The following INSYN2B variants were observed in gnomAD, a reference collection of about 807,000 sequenced individuals.
INSYN2B encodes inhibitory synaptic factor family member 2B, also known as protein INSYN2B.
A neutral mutation model predicts 41.2 loss-of-function variants in INSYN2B; 16 were observed. The ratio of observed to expected loss-of-function variants is 0.39; its 90% CI spans 0.26 to 0.59. The LOEUF is 0.59. INSYN2B is among the 20% of genes least tolerant of loss of function. INSYN2B has a pLI of 0.57. For synonymous variants in INSYN2B, 245 were observed against 244.4 expected (o/e 1.00, Z -0.02); for missense variants, 608 against 646.4 (o/e 0.94, Z 0.64).
chr5:169,939,169 G>T (rs1195055020), intron 1 of INSYN2B, among the ~76,000 whole-genome samples: 3 of 150,668 alleles, frequency 2.0e-5, no homozygotes, highest in African/African-American at 7.3e-5. Context: ...CTCCCAAAGT[G>T]CTGGGATTAC....
chr5:169,906,131 T>C (rs760106814), intron 1 of INSYN2B, among the ~76,000 whole-genome samples: 2 of 152,214 alleles, frequency 1.3e-5, no homozygotes, highest in African/African-American at 2.4e-5. Flanking sequence ...CTTCTTTACA[T>C]TCATTCGTGC....
intron 1 of INSYN2B, among the ~76,000 whole-genome samples, chr5:169,901,702 G>A (rs559981808): frequency 3.9e-4 from 59 of 152,286 alleles, no homozygotes; most frequent in Non-Finnish European, 7.5e-4. Context: ...TGTAGAGAAA[G>A]GAAATTAATT....
Position 169,883,036 on chromosome 5 carries a change from T to G in INSYN2B, c.863A>C (p.Lys288Thr). The G allele has an allele frequency of 1.3e-6, 2 of 1,551,640 alleles. No individual in the cohort carries two copies. The highest frequency in any genetic ancestry group is 1.7e-6 in the Non-Finnish European group (2 of 1,146,938). ...CTGAGATGACAGTGAGCCAAGGTCT[T>G]TGTCATCTGAGTTGTCTTTGGGCAA... ...LLLPKDNSDDKDLGSLSSQSK... is the reference protein window; with the variant it reads ...LLLPKDNSDDTDLGSLSSQSK... Residue 288 changes from lysine (K) to threonine (T), a missense_variant, in exon 2 of 4, where the codon AAA becomes ACA. Lys to Thr is a moderately conservative substitution (Grantham distance 78). Coordinates refer to ENST00000377365, the MANE Select transcript of INSYN2B (RefSeq NM_001129891.3).
At chr5:169,954,464 G>A (rs1317221619) in intron 1 of INSYN2B, among the ~76,000 whole-genome samples, 1 of 152,182 alleles carries the variant, frequency 6.6e-6, no homozygotes, top group Admixed American at 6.5e-5. Flanking sequence ...CTCAGGTAAG[G>A]CAATAGATGA....
intron 3 of INSYN2B, among the ~76,000 whole-genome samples, chr5:169,878,776 T>C (rs755801953): frequency 1.6e-4 from 24 of 152,202 alleles, no homozygotes; most frequent in Non-Finnish European, 2.6e-4. Context: ...AAGGGAGTGA[T>C]TGGGGCCAAA....
chr5:169,893,383 C>G (rs1251191018), intron 1 of INSYN2B, among the ~76,000 whole-genome samples: 1 of 151,994 alleles, frequency 6.6e-6, no homozygotes, highest in East Asian at 1.9e-4. Flanking sequence ...AATATTATCT[C>G]TGTATTTCTC....
intron 1 of INSYN2B, among the ~76,000 whole-genome samples, chr5:169,889,172 A>G (rs1473195122): frequency 6.6e-6 from 1 of 152,250 alleles, no homozygotes; most frequent in African/African-American, 2.4e-5. Flanking sequence ...CTTCTAAGAC[A>G]TGGAATAGTT....
chr5:169,976,153 T>A (rs536308631), intron 1 of INSYN2B, among the ~76,000 whole-genome samples: 10 of 152,248 alleles, frequency 6.6e-5, no homozygotes, highest in Non-Finnish European at 1.3e-4. Flanking sequence ...ATTGAACCCA[T>A]GCAATATGCA....
Position 169,936,349 on chromosome 5 carries a change from A to G in INSYN2B, c.-919+43928T>C, listed in dbSNP as rs148135969. On this transcript the variant is annotated intron_variant, in intron 1 of 3. Coordinates refer to ENST00000377365, the MANE Select transcript of INSYN2B (RefSeq NM_001129891.3). ...TAGGGCAAAACATTTTAGGACGGTT[A>G]TTCCTCATCCTCAAACTCTGAACTT... 1.6e-3 allele frequency among the ~76,000 whole-genome samples: 237 copies of G among 152,290 alleles called. No homozygotes were observed. The Middle Eastern group carries it at 0.02, about 13-fold the overall frequency.
chr5:169,865,131 G>C (rs1448502282), intron 3 of INSYN2B, among the ~76,000 whole-genome samples: 1 of 152,198 alleles, frequency 6.6e-6, no homozygotes, highest in Non-Finnish European at 1.5e-5. Flanking sequence ...CCTCAATACA[G>C]TGTATTTAAA....
At chr5:169,908,955 T>C (rs1774445304) in intron 1 of INSYN2B, among the ~76,000 whole-genome samples, 1 of 152,190 alleles carries the variant, frequency 6.6e-6, no homozygotes, top group African/African-American at 2.4e-5. Context: ...TTAGGAATTA[T>C]GTCCAAGGTC....
At chr5:169,928,085 C>G (rs1421614220) in intron 1 of INSYN2B, among the ~76,000 whole-genome samples, 1 of 152,152 alleles carries the variant, frequency 6.6e-6, no homozygotes, top group African/African-American at 2.4e-5. Flanking sequence ...TCCACAGAAG[C>G]AGGATAAGAT....
intron 1 of INSYN2B, among the ~76,000 whole-genome samples, chr5:169,942,927 A>G (rs1402040905): frequency 6.6e-6 from 1 of 152,182 alleles, no homozygotes; most frequent in Non-Finnish European, 1.5e-5. Flanking sequence ...TCCCTTCACA[A>G]TGTCATTAGG....
At chr5:169,886,935 A>G (rs942838499) in intron 1 of INSYN2B, among the ~76,000 whole-genome samples, 2 of 152,042 alleles carry the variant, frequency 1.3e-5, no homozygotes, top group African/African-American at 4.8e-5. Context: ...TGTTTCATTT[A>G]CTCTCTTCCT....
intron 3 of INSYN2B, among the ~76,000 whole-genome samples, chr5:169,871,882 C>A (rs1421883355): frequency 2.0e-5 from 3 of 152,062 alleles, no homozygotes; most frequent in African/African-American, 2.4e-5. Flanking sequence ...GGCTGCATAC[C>A]CAAAAAAGGT....
intron 1 of INSYN2B, among the ~76,000 whole-genome samples, chr5:169,960,746 C>A (rs1052151678): frequency 6.6e-6 from 1 of 151,988 alleles, no homozygotes; most frequent in Non-Finnish European, 1.5e-5. Context: ...TAATTGTGGT[C>A]CAAAAATATT....
chr5:169,956,070 T>G (rs1776854211), intron 1 of INSYN2B, among the ~76,000 whole-genome samples: 1 of 149,128 alleles, frequency 6.7e-6, no homozygotes, highest in African/African-American at 2.5e-5. Context: ...AGGCTTGGGG[T>G]CTGGAGTCTG....
At chr5:169,870,607 T>A (rs1771898209) in intron 3 of INSYN2B, among the ~76,000 whole-genome samples, 2 of 152,060 alleles carry the variant, frequency 1.3e-5, no homozygotes, top group Non-Finnish European at 2.9e-5. Context: ...TTTTTAAAAT[T>A]TTATTATTAT....
intron 1 of INSYN2B, among the ~76,000 whole-genome samples, chr5:169,959,162 G>C (rs929225568): frequency 2.0e-5 from 3 of 152,104 alleles, no homozygotes; most frequent in African/African-American, 7.2e-5. Context: ...GGAGGCCGAG[G>C]GGGGCGGATC....
Sources: gnomAD v4.1 joint callset for allele counts (sites outside exome capture counted in the v4.1 genomes callset) on GRCh38, gnomAD v4.1.1 for gene constraint, MANE v1.5 for transcripts, NCBI Gene and HGNC (gene_info 2026-07-23, HGNC 2026-07-21) for gene names.